The following TMEM229B variants were observed in gnomAD, a reference collection of about 807,000 sequenced individuals.
TMEM229B encodes chromosome 14 open reading frame 83.
TMEM229B carries 6 observed loss-of-function variants against 13.7 expected under a neutral mutation model. The observed-to-expected ratio is 0.44, with a 90% CI of 0.24 to 0.86. The LOEUF (loss-of-function observed/expected upper bound fraction) is 0.86, where lower values mean the gene tolerates loss of function less well. Among genes scored for constraint, TMEM229B ranks in the 40% least tolerant of loss-of-function variants. The pLI is 0.23. For missense variants in TMEM229B, 170 were observed against 236.0 expected (o/e 0.72, Z 1.83); for synonymous variants, 107 against 102.1 (o/e 1.05, Z -0.29).
At chr14:67,481,901 G>A (rs984965360) in intron 2 of TMEM229B, among the ~76,000 whole-genome samples, 1 of 152,360 alleles carries the variant, frequency 6.6e-6, no homozygotes, top group Admixed American at 6.5e-5. Flanking sequence ...CCTGAGACCT[G>A]TGACATGAAG....
intron 1 of TMEM229B, among the ~76,000 whole-genome samples, chr14:67,501,745 C>A (rs1488800039): frequency 6.6e-6 from 1 of 152,116 alleles, no homozygotes; most frequent in East Asian, 1.9e-4. Context: ...TATCTAAGAG[C>A]CTTGGAATTC....
At position 67,473,196 on chromosome 14, in the gene TMEM229B, C is replaced by T; in HGVS notation, c.*224G>A. The T allele has an allele frequency of 1.7e-6, 1 of 599,930 alleles. No individual in the cohort carries two copies. 37.2% of individuals were successfully genotyped at this position (599,930 alleles called of 1,614,324 possible). A position where few individuals can be genotyped will look rare whatever the true frequency, so the allele number is the denominator to read the frequency against. On this transcript the variant is annotated 3_prime_UTR_variant, in exon 3 of 3. Coordinates refer to ENST00000554480, the MANE Select transcript of TMEM229B (RefSeq NM_001348543.2). This position sits in a 1 kb window ranked among gnomAD's most constrained non-coding sequence, Gnocchi z 6.5. Reference sequence around the variant, plus strand: ...CCTGAACTGGGCCGCGATCCATGGACCCTTCCCAATGTCCCTCTGCTGCCT... The same window carrying T: ...CCTGAACTGGGCCGCGATCCATGGATCCTTCCCAATGTCCCTCTGCTGCCT...
At chr14:67,478,648 C>G (rs78062608) in intron 2 of TMEM229B, among the ~76,000 whole-genome samples, 2 of 152,230 alleles carry the variant, frequency 1.3e-5, no homozygotes, top group Non-Finnish European at 2.9e-5. Context: ...CTTCACAACT[C>G]GTCCCTGCCT....
At chr14:67,514,825 C>G (rs896395588) in intron 1 of TMEM229B, among the ~76,000 whole-genome samples, 3 of 152,206 alleles carry the variant, frequency 2.0e-5, no homozygotes, top group Admixed American at 6.5e-5. Flanking sequence ...AACACGCCCC[C>G]CTGTGCGCCC....
chr14:67,505,797 C>G (rs1240499643), intron 1 of TMEM229B, among the ~76,000 whole-genome samples: 1 of 152,018 alleles, frequency 6.6e-6, no homozygotes, highest in Non-Finnish European at 1.5e-5. Context: ...ACCTCTGCCT[C>G]CAGGGTTCAA....
chr14:67,517,343 C>T (rs17104389), upstream of TMEM229B, among the ~76,000 whole-genome samples: 2 of 152,202 alleles, frequency 1.3e-5, no homozygotes, highest in African/African-American at 2.4e-5. Context: ...GGAAAGGCTT[C>T]GGAAGATCTG....
chr14:67,515,249 C>G (rs1353930503), exon 1 of TMEM229B: 1 of 152,742 alleles, frequency 6.5e-6, no homozygotes, highest in East Asian at 1.9e-4. Flanking sequence ...CCAAGCCCGG[C>G]GCTCTGGCTC....
intron 2 of TMEM229B, among the ~76,000 whole-genome samples, chr14:67,486,271 G>A (rs1450298121): frequency 6.6e-6 from 1 of 152,114 alleles, no homozygotes; most frequent in Non-Finnish European, 1.5e-5. Context: ...GAGATCTGAT[G>A]GGTTTTTGTT....
At chr14:67,493,642 G>A (rs1013634240), upstream of TMEM229B, among the ~76,000 whole-genome samples, 3 of 152,242 alleles carry the variant, frequency 2.0e-5, no homozygotes, top group Admixed American at 2.0e-4. Context: ...CTGCCTGTTG[G>A]GGTGAGCATC....
chr14:67,489,444 G>C (rs984581336), upstream of TMEM229B, among the ~76,000 whole-genome samples: 1 of 152,162 alleles, frequency 6.6e-6, no homozygotes, highest in Non-Finnish European at 1.5e-5. Context: ...AGCTGAGTTT[G>C]TCCATGCAGC....
chr14:67,515,708 A>G (rs1299845059), upstream of TMEM229B, among the ~76,000 whole-genome samples: 1 of 152,176 alleles, frequency 6.6e-6, no homozygotes, highest in East Asian at 1.9e-4. Context: ...AGTGTCTGTC[A>G]GGCCCGGAGC....
At chr14:67,521,584 G>A (rs144084294) in intron 1 of TMEM229B, among the ~76,000 whole-genome samples, 112 of 152,294 alleles carry the variant, frequency 7.4e-4, no homozygotes, top group Middle Eastern at 3.4e-3. Context: ...AGAAAATCCA[G>A]TGGATAAGGA....
At chr14:67,523,938 T>TAGTGACACAAAGAGGGTTTCC (rs1555363178) in intron 1 of TMEM229B, among the ~76,000 whole-genome samples, 2 of 151,564 alleles carry the variant, frequency 1.3e-5, no homozygotes, top group East Asian at 1.9e-4. Context: ...GAGGGAAGAA[T>TAGTGACACAAAGAGGGTTTCC]AGTGACACAA....
intron 1 of TMEM229B, among the ~76,000 whole-genome samples, chr14:67,527,128 G>A (rs1426090446): frequency 1.3e-5 from 2 of 152,146 alleles, no homozygotes; most frequent in South Asian, 2.1e-4. Flanking sequence ...AAGGTGCCCC[G>A]CAAGGGAACC....
chr14:67,531,130 A>C (rs1179257518), intron 1 of TMEM229B, among the ~76,000 whole-genome samples: 1 of 152,150 alleles, frequency 6.6e-6, no homozygotes, highest in Non-Finnish European at 1.5e-5. Context: ...ATCCAAAGAA[A>C]GGGGCTCTAG....
intron 1 of TMEM229B, among the ~76,000 whole-genome samples, chr14:67,507,525 T>G (rs1396246246): frequency 6.6e-6 from 1 of 151,948 alleles, no homozygotes; most frequent in Non-Finnish European, 1.5e-5. Context: ...CACAGCTCAT[T>G]GCAGCCTCGA....
At position 67,472,875 on chromosome 14, in the gene TMEM229B, T is replaced by G. The variant is rs1594671132; in HGVS notation, c.*545A>C. 1 of 155,836 alleles carries G rather than the reference T, an allele frequency of 6.4e-6. No individual in the cohort carries two copies. Among genetic ancestry groups the G allele is most frequent in the Admixed American group, 6.2e-5 (1 of 16,160 alleles). 9.7% of individuals were successfully genotyped at this position (155,836 alleles called of 1,614,324 possible). The stretch of plus-strand genomic sequence containing the variant: ...GGAGGGGAGAGGAGCCAAGGGAGGG[T>G]CTCCCAGCCCTTGCAGACCAGCGTT... On this transcript the variant is annotated 3_prime_UTR_variant, in exon 3 of 3. Coordinates refer to ENST00000554480, the MANE Select transcript of TMEM229B (RefSeq NM_001348543.2).
intron 1 of TMEM229B, among the ~76,000 whole-genome samples, chr14:67,514,303 G>C (rs1186883227): frequency 6.6e-6 from 1 of 152,160 alleles, no homozygotes; most frequent in Admixed American, 6.5e-5. Flanking sequence ...GTTTCTGACT[G>C]AGCATAGAAA....
chr14:67,533,145 G>A (rs2033522444), intron 1 of TMEM229B, among the ~76,000 whole-genome samples: 1 of 152,266 alleles, frequency 6.6e-6, no homozygotes, highest in Admixed American at 6.5e-5. Context: ...GGGGAGCCGA[G>A]GGGAGGAGGG....
Sources: gnomAD v4.1 joint callset for allele counts (sites outside exome capture counted in the v4.1 genomes callset) on GRCh38, gnomAD v4.1.1 for gene constraint, Gnocchi (gnomAD v3.1) non-coding constraint, MANE v1.5 for transcripts, NCBI Gene and HGNC (gene_info 2026-07-23, HGNC 2026-07-21) for gene names.